Variants in LUC7L2 observed in about 807,000 individuals in gnomAD.
The protein encoded by LUC7L2 is putative RNA-binding protein Luc7-like 2.
LUC7L2 carries 25 observed loss-of-function variants against 52.8 expected under a neutral mutation model. The observed-to-expected ratio is 0.47, with a 90% confidence interval of 0.34 to 0.66. The LOEUF (loss-of-function observed/expected upper bound fraction) is 0.66, where lower values mean the gene tolerates loss of function less well. Among genes scored for constraint, LUC7L2 ranks in the 30% least tolerant of loss-of-function variants. LUC7L2 has a pLI of 0.01. For synonymous variants in LUC7L2, 144 were observed against 160.9 expected, an observed-to-expected ratio of 0.89 and a Z score of 0.80; for missense variants, 328 against 497.8, an observed-to-expected ratio of 0.66 and a Z score of 3.25.
At chr7:139,369,904 C>G (rs1310804842) in intron 1 of LUC7L2, among the ~76,000 whole-genome samples, 1 of 152,176 alleles carries the variant, frequency 6.6e-6, no homozygotes. Context: ...AGCTGTATAG[C>G]ACCCTTGTGT....
intron 8 of LUC7L2, among the ~76,000 whole-genome samples, chr7:139,414,457 G>T (rs1001050630): frequency 6.6e-6 from 1 of 152,200 alleles, no homozygotes; most frequent in Non-Finnish European, 1.5e-5. Flanking sequence ...GGCAGCATGC[G>T]GCTTGGAGGC....
At position 139,409,595 on chromosome 7, in the gene LUC7L2, C is replaced by T. The variant is rs370174686; in HGVS notation, c.720C>T (p.Asn240=). ...TAGCTGAGAAGCAGGAGAAAAGAAA[C>T]CAGGAACGGCTGAAACGAAGAGAAG... ...RVVAEKQEKR[N]QERLKRREER... is the part of the protein sequence containing the mutation. The change falls in exon 7 of 10, where the codon AAC becomes AAT. Residue 240 remains asparagine (N), a synonymous_variant. Transcript: ENST00000354926. 3.1e-5 allele frequency: 50 copies of T among 1,610,422 alleles called. No individual in the cohort carries two copies. The highest frequency in any genetic ancestry group is 3.6e-5 in the Non-Finnish European group (42 of 1,178,256).
intron 7 of LUC7L2, among the ~76,000 whole-genome samples, chr7:139,410,277 C>A (rs1159258654): frequency 6.8e-6 from 1 of 146,538 alleles, no homozygotes; most frequent in African/African-American, 2.7e-5. Context: ...TAGATTTGCA[C>A]CAGGTTAGCA....
intron 1 of LUC7L2, among the ~76,000 whole-genome samples, chr7:139,352,983 A>T (rs1194111712): frequency 1.3e-5 from 2 of 152,190 alleles, no homozygotes. Context: ...AGATCACCTG[A>T]GGTCAGGAGT....
upstream of LUC7L2, among the ~76,000 whole-genome samples, chr7:139,357,439 AAG>A (rs1368819328): frequency 6.6e-6 from 1 of 152,172 alleles, no homozygotes; most frequent in African/African-American, 2.4e-5. Context: ...AAATAAAAAA[AAG>A]AACTCAAATC....
At chr7:139,357,574 CTAT>C (rs562367960), upstream of LUC7L2, among the ~76,000 whole-genome samples, 65 of 152,094 alleles carry the variant, frequency 4.3e-4, no homozygotes, top group African/African-American at 1.5e-3. Flanking sequence ...GCACATTTTT[CTAT>C]TATTATAAAT....
intron 1 of LUC7L2, among the ~76,000 whole-genome samples, chr7:139,349,966 T>A (rs1412685201): frequency 6.6e-6 from 1 of 152,178 alleles, no homozygotes; most frequent in Non-Finnish European, 1.5e-5. Context: ...CCCTTTGCAG[T>A]CAATTCTCCT....
intron 2 of LUC7L2, among the ~76,000 whole-genome samples, chr7:139,390,709 C>T (rs955460867): frequency 1.3e-5 from 2 of 151,990 alleles, no homozygotes. Flanking sequence ...GCGCCCACCA[C>T]CATGCCCGGC....
rs556274574 is a variant in LUC7L2 at position 139,408,510 on chromosome 7, G to A, written c.688-1053G>A. 9.2e-5 allele frequency among the ~76,000 whole-genome samples: 14 copies of A among 152,260 alleles called. 1 individual carries two copies. The highest frequency in any genetic ancestry group is 8.5e-4 in the Admixed American group (13 of 15,296). Reference sequence around the variant, plus strand: ...AAAATAATACTAGAAAACATTTAGAGGAGGAAAATCTTGTAGAAGTGACTT... The same window carrying A: ...AAAATAATACTAGAAAACATTTAGAAGAGGAAAATCTTGTAGAAGTGACTT... On this transcript the variant is annotated intron_variant, in intron 6 of 9. Coordinates refer to ENST00000354926, the MANE Select transcript of LUC7L2 (RefSeq NM_016019.5).
chr7:139,413,338 T>A (rs1364676481), intron 8 of LUC7L2, among the ~76,000 whole-genome samples: 1 of 152,046 alleles, frequency 6.6e-6, no homozygotes, highest in African/African-American at 2.4e-5. Flanking sequence ...CATTCCCACC[T>A]AGAATGCCCT....
At chr7:139,367,766 G>A (rs1478344200) in intron 1 of LUC7L2, among the ~76,000 whole-genome samples, 59 of 152,294 alleles carry the variant, frequency 3.9e-4, no homozygotes, top group Non-Finnish European at 1.5e-5. Context: ...GGTCCATCAA[G>A]ACCTCCAGGA....
At chr7:139,414,256 T>A (rs1431542118) in intron 8 of LUC7L2, among the ~76,000 whole-genome samples, 2 of 152,216 alleles carry the variant, frequency 1.3e-5, no homozygotes, top group Non-Finnish European at 2.9e-5. Flanking sequence ...ATATGAGAAG[T>A]TAACATCTTT....
intron 9 of LUC7L2, 76 bp from the exon 10 acceptor site, chr7:139,422,087 T>TAATA: frequency 6.6e-7 from 1 of 1,507,198 alleles, no homozygotes; most frequent in Non-Finnish European, 8.8e-7. Context: ...ATCAAGAGCT[T>TAATA]AATATTTATC....
intron 5 of LUC7L2, among the ~76,000 whole-genome samples, chr7:139,406,684 A>G: frequency 6.6e-6 from 1 of 152,034 alleles, no homozygotes; most frequent in Non-Finnish European, 1.5e-5. Flanking sequence ...TTTTTAAAAT[A>G]CTTTTGGTAA....
At chr7:139,418,743 A>G (rs561110652) in intron 9 of LUC7L2, among the ~76,000 whole-genome samples, 23 of 152,310 alleles carry the variant, frequency 1.5e-4, no homozygotes, top group African/African-American at 5.1e-4. Flanking sequence ...AATTAATTGT[A>G]TATGTTTTAC....
In LUC7L2 at chr7:139,423,234, G is replaced by A. The variant is rs893996851; in HGVS notation, c.*894G>A. 6 of 398,784 alleles carry A rather than the reference G, an allele frequency of 1.5e-5. No individual in the cohort carries two copies. The highest frequency in any genetic ancestry group is 4.4e-5 in the Admixed American group (1 of 22,690). 24.7% of individuals were successfully genotyped at this position (398,784 alleles called of 1,614,324 possible). A position where few individuals can be genotyped will look rare whatever the true frequency, so the allele number is the denominator to read the frequency against. ...GTGGGCATTTCCTCTATTCTGTTAC[G>A]TCATTAACAGTGCCTTACTGTGCAA... On this transcript the variant is annotated 3_prime_UTR_variant, in exon 10 of 10. Coordinates refer to ENST00000354926, the MANE Select transcript of LUC7L2 (RefSeq NM_016019.5).
chr7:139,381,680 G>A (rs1048297414), intron 2 of LUC7L2, among the ~76,000 whole-genome samples: 6 of 151,766 alleles, frequency 4.0e-5, no homozygotes, highest in Middle Eastern at 3.4e-3. Flanking sequence ...GGGTTCAAGT[G>A]ATTTTCCTAC....
At position 139,407,239 on chromosome 7, in the gene LUC7L2, C is replaced by A; in HGVS notation, c.576C>A (p.Val192=). 3.1e-6 allele frequency: 5 copies of A among 1,612,982 alleles called. No homozygotes were observed. The highest frequency in any genetic ancestry group is 4.2e-6 in the Non-Finnish European group (5 of 1,179,306). Residue 192 remains valine, a synonymous_variant, in exon 6 of 10, where the codon GTC becomes GTA. Transcript: ENST00000354926. ...FQQQKLRVCE[V]CSAYLGLHDN... Reference sequence around the variant, plus strand: ...AGCAGAAACTTCGAGTCTGTGAAGTCTGCTCTGCCTATTTAGGACTTCATG... The same window carrying A: ...AGCAGAAACTTCGAGTCTGTGAAGTATGCTCTGCCTATTTAGGACTTCATG...
chr7:139,383,588 G>A lies in LUC7L2; in HGVS notation c.156+7432G>A, dbSNP rs528748641. Among the ~76,000 whole-genome samples, 317 of 141,636 alleles carry A rather than the reference G, an allele frequency of 2.2e-3. 5 individuals carry two copies. The highest frequency in any genetic ancestry group is 4.1e-3 in the Admixed American group (58 of 14,046). The allele number at this position is 141,636 out of a possible 152,430, so 92.9% of individuals were successfully genotyped here. On this transcript the variant is annotated intron_variant, in intron 2 of 9. Transcript: ENST00000354926. ...CGCCACCATGCCTGGCTAATTGTTTGTATTTTTAGTAGAAACGGGGTTTCA... is the reference window on the plus strand; with the variant it reads ...CGCCACCATGCCTGGCTAATTGTTTATATTTTTAGTAGAAACGGGGTTTCA...
Sources: allele counts gnomAD v4.1 joint callset (sites outside exome capture counted in the v4.1 genomes callset), GRCh38; gene constraint gnomAD v4.1.1; transcripts MANE v1.5; gene names NCBI Gene and HGNC (gene_info 2026-07-23, HGNC 2026-07-21).